Variants in KCNH4 observed in about 807,000 individuals in gnomAD.
KCNH4 encodes the protein voltage-gated delayed rectifier potassium channel KCNH4.
Under a neutral mutation model 90.7 loss-of-function variants are expected in KCNH4, and 33 were observed. That is an observed-to-expected ratio of 0.36 (90% CI 0.28 to 0.49). The LOEUF is 0.49. KCNH4 is among the 20% of genes least tolerant of loss of function. The probability of loss-of-function intolerance (pLI) is 0.98; values close to 1 mark genes in which losing one functional copy is unlikely to be tolerated. For missense variants in KCNH4, 1,044 were observed against 1,387.1 expected (o/e 0.75, Z 3.93); for synonymous variants, 551 against 581.7 (o/e 0.95, Z 0.76).
intron 8 of KCNH4, 143 bp from the exon 9 acceptor site, chr17:42,169,819 A>G (rs184154994): frequency 2.2e-5 from 18 of 822,630 alleles, no homozygotes; most frequent in Middle Eastern, 3.6e-4. Flanking sequence ...AGGGTGGGGA[A>G]TAGGGAGTGG....
chr17:42,163,688 G>T lies in KCNH4; in HGVS notation c.2395C>A (p.Pro799Thr), dbSNP rs377053126. ...GGCTTCCAGGCAGCAGAGCACCTGG[G>T]GGGGCCGTGAGGGGAGGCACTGTGG... ...QGHSASPHGPPRCSAAWKPPQ... is the reference protein window; with the variant it reads ...QGHSASPHGPTRCSAAWKPPQ... The change falls in exon 13 of 17, where the codon CCC becomes ACC. Residue 799 changes from proline (P) to threonine (T), a missense_variant. Pro to Thr is a conservative substitution (Grantham distance 38, BLOSUM62 -1). Around this residue, in one of 4 missense-constraint regions of KCNH4, gnomAD observed 441 missense variants for 512.3 expected, o/e 0.86. Coordinates refer to ENST00000264661, the MANE Select transcript of KCNH4 (RefSeq NM_012285.3). This position sits in a 1 kb window ranked among gnomAD's most constrained non-coding sequence, Gnocchi z 5.4. 10 of 1,512,116 alleles carry T rather than the reference G, an allele frequency of 6.6e-6. No individual in the cohort carries two copies. The African/African-American group carries it at 7.0e-5, about 11-fold the overall frequency. The allele number at this position is 1,512,116 out of a possible 1,614,324, so 93.7% of individuals were successfully genotyped here.
At chr17:42,160,930 T>C (rs1014042500) in intron 15 of KCNH4, among the ~76,000 whole-genome samples, 2 of 136,940 alleles carry the variant, frequency 1.5e-5, no homozygotes, top group African/African-American at 5.5e-5. Context: ...CTTTTTTTTT[T>C]TTTTTTTTTT....
chr17:42,178,515 A>T (rs1381460543), intron 2 of KCNH4, 38 bp from the exon 3 acceptor site: 4 of 1,610,664 alleles, frequency 2.5e-6, no homozygotes, highest in Non-Finnish European at 3.4e-6. Flanking sequence ...GAGCATGGGC[A>T]GCCCCATGGC....
At position 42,176,107 on chromosome 17, in the gene KCNH4, G is replaced by A. The variant is rs1035671157; in HGVS notation, c.776C>T (p.Thr259Ile). 2.0e-5 allele frequency: 33 copies of A among 1,613,622 alleles called. No individual in the cohort carries two copies. Among genetic ancestry groups the A allele is most frequent in the Non-Finnish European group, 2.5e-5 (30 of 1,179,744 alleles). The part of the protein sequence containing the change: ...CFSGDDDTPI[T>I]SRHTLVSDIA... ...GTCGCTGACAAGGGTGTGTCGCGAA[G>A]TGATGGGGGTGTCATCGTCACCCGA... The change falls in exon 5 of 17, where the codon ACT becomes ATT. Residue 259 changes from threonine (T) to isoleucine (I), a missense_variant. This residue lies in a region of KCNH4 where 283 missense variants were observed against 378.6 expected (regional missense o/e 0.75). Transcript: ENST00000264661.
chr17:42,159,460 C>T (rs1198755251), intron 16 of KCNH4, among the ~76,000 whole-genome samples: 13 of 152,172 alleles, frequency 8.5e-5, no homozygotes, highest in Non-Finnish European at 1.8e-4. Flanking sequence ...CCAGCCTGGG[C>T]TCATGGTGGG....
At position 42,163,953 on chromosome 17, in the gene KCNH4, G is replaced by C. The variant is rs762639245; in HGVS notation, c.2130C>G (p.Arg710=). Residue 710 remains arginine (R), a synonymous_variant, in exon 13 of 17, where the codon CGC becomes CGG. Coordinates refer to ENST00000264661, the MANE Select transcript of KCNH4 (RefSeq NM_012285.3). The surrounding 1 kb of genome is among the most constrained non-coding windows in gnomAD (Gnocchi z 5.4). ...FSRSPRLSQP[R]SESLGSSSDK... is the part of the protein sequence containing the mutation. ...CTGAGGAGGAGCCGAGGCTTTCTGA[G>C]CGGGGCTGCGGGCAGAGGGGGCAGC... The C allele has an allele frequency of 1.3e-6, 2 of 1,535,582 alleles. No homozygotes were observed. Among genetic ancestry groups the C allele is most frequent in the Admixed American group, 4.1e-5 (2 of 48,728 alleles).
chr17:42,173,758 T>C (rs1288993867), intron 6 of KCNH4, among the ~76,000 whole-genome samples: 1 of 126,896 alleles, frequency 7.9e-6, no homozygotes, highest in East Asian at 2.6e-4. Context: ...TGGAGTGCAG[T>C]GGCGCAATCT....
intron 16 of KCNH4, among the ~76,000 whole-genome samples, chr17:42,158,611 G>T (rs1365027680): frequency 6.6e-6 from 1 of 151,250 alleles, no homozygotes; most frequent in Non-Finnish European, 1.5e-5. Flanking sequence ...CGAGGCAGGC[G>T]GATCAGGAGG....
intron 4 of KCNH4, 94 bp downstream of exon 4, chr17:42,178,006 C>T (rs2079873918): frequency 1.3e-6 from 2 of 1,518,750 alleles, no homozygotes; most frequent in African/African-American, 1.4e-5. Context: ...AGGAGGGACA[C>T]CAGACAGACA....
At chr17:42,170,599 C>G (rs1275012782) in intron 7 of KCNH4, among the ~76,000 whole-genome samples, 1 of 152,238 alleles carries the variant, frequency 6.6e-6, no homozygotes, top group East Asian at 1.9e-4. Flanking sequence ...TCTCCCTGCC[C>G]TGGTGGAACC....
Position 42,176,041 on chromosome 17 carries a change from C to G in KCNH4, c.829+13G>C. On this transcript the variant is annotated intron_variant, in intron 5 of 16. Transcript: ENST00000264661. ...AGCCGACCCACCAGGGTGGGTGAGG[C>G]AGAAGGTCTGACCTAGGATGAAGAG... 6.3e-7 allele frequency: 1 copy of G among 1,583,264 alleles called. No individual in the cohort carries two copies. Among genetic ancestry groups the G allele is most frequent in the Non-Finnish European group, 8.6e-7 (1 of 1,160,580 alleles).
In KCNH4 at chr17:42,178,374, G is replaced by A. The variant is rs1452918027; in HGVS notation, c.414C>T (p.Ser138=). The A allele has an allele frequency of 3.1e-6, 5 of 1,614,238 alleles. No homozygotes were observed. Among genetic ancestry groups the A allele is most frequent in the Non-Finnish European group, 4.2e-6 (5 of 1,180,042 alleles). ...FSFKDITQSG[S]PGLGPQGGRG... is the part of the protein sequence containing the mutation. Reference sequence around the variant, plus strand: ...GGCCTCCTTGGGGGCCAAGTCCTGGGCTTCCACTCTGAGTGATATCCTTGA... The same window carrying A: ...GGCCTCCTTGGGGGCCAAGTCCTGGACTTCCACTCTGAGTGATATCCTTGA... Residue 138 remains serine, a synonymous_variant, in exon 3 of 17, where the codon AGC becomes AGT. Transcript: ENST00000264661.
At chr17:42,160,920 C>CTT (rs57677761) in intron 15 of KCNH4, among the ~76,000 whole-genome samples, 271 of 73,384 alleles carry the variant, frequency 3.7e-3, no homozygotes, top group Middle Eastern at 0.013. Context: ...TTTTCTTTTT[C>CTT]TTTTTTTTTT....
intron 16 of KCNH4, among the ~76,000 whole-genome samples, chr17:42,159,232 G>A (rs2079728877): frequency 6.6e-6 from 1 of 152,108 alleles, no homozygotes; most frequent in African/African-American, 2.4e-5. Flanking sequence ...TCTGCATGTT[G>A]GTCAGGCTGG....
rs763681683 is a variant in KCNH4, at chr17:42,169,618, C to G, written c.1449G>C (p.Ser483=). 4 of 1,613,994 alleles carry G rather than the reference C, an allele frequency of 2.5e-6. No homozygotes were observed. Among genetic ancestry groups the G allele is most frequent in the Non-Finnish European group, 3.4e-6 (4 of 1,179,992 alleles). Residue 483 remains serine (S), a synonymous_variant, in exon 9 of 17, where the codon TCG becomes TCC. Transcript: ENST00000264661. ...TGCGGCTGTGGTAGAGCGAGCGGCG[C>G]GAGTACATGCGCTGGATGATGGCTG... ...NVTAIIQRMY[S]RRSLYHSRMK...
intron 11 of KCNH4, among the ~76,000 whole-genome samples, chr17:42,164,975 A>T (rs1226624372): frequency 6.6e-6 from 1 of 151,004 alleles, no homozygotes; most frequent in Non-Finnish European, 1.5e-5. Flanking sequence ...GTGTGGTGGT[A>T]CACACCTGTA....
In KCNH4 at chr17:42,181,035, C is replaced by CATGGGGCG; in HGVS notation, c.-91_-90insCGCCCCAT. The CATGGGGCG allele has an allele frequency of 1.7e-6, 2 of 1,144,140 alleles. No individual in the cohort carries two copies. Among genetic ancestry groups the CATGGGGCG allele is most frequent in the Non-Finnish European group, 2.5e-6 (2 of 799,640 alleles). The allele number at this position is 1,144,140 out of a possible 1,614,324, so 70.9% of individuals were successfully genotyped here. A position where few individuals can be genotyped will look rare whatever the true frequency, so the allele number is the denominator to read the frequency against. On this transcript the variant is annotated 5_prime_UTR_variant, in exon 1 of 17. It adds an upstream start codon to the 5' untranslated region. Coordinates refer to ENST00000264661, the MANE Select transcript of KCNH4 (RefSeq NM_012285.3). ...GCGCGCTGTCGGAGGGGCCGGGGCG[C>CATGGGGCG]CCCATGCGCCCTCCTGCCTCCTCCC...
chr17:42,169,531 C>T lies in KCNH4; in HGVS notation c.1536G>A (p.Met512Ile). The change falls in exon 9 of 17, where the codon ATG (methionine) becomes ATA (isoleucine). Residue 512 changes from methionine (M) to isoleucine (I), a missense_variant. Coordinates refer to ENST00000264661, the MANE Select transcript of KCNH4 (RefSeq NM_012285.3). ...CCCACGTGGTCTGGAAGTATTCGAG[C>T]ATGCGCTGCTTGAGCGGCCGCGGCA... ...HRLPRPLKQR[M>I]LEYFQTTWAV... 1 of 1,613,520 alleles carries T rather than the reference C, an allele frequency of 6.2e-7. No individual in the cohort carries two copies. The highest frequency in any genetic ancestry group is 8.5e-7 in the Non-Finnish European group (1 of 1,180,020).
chr17:42,172,574 C>CACAT (rs1246574741), intron 6 of KCNH4, among the ~76,000 whole-genome samples: 1 of 144,096 alleles, frequency 6.9e-6, no homozygotes, highest in Non-Finnish European at 1.5e-5. Flanking sequence ...CACACACACA[C>CACAT]ACACACACTT....
Sources: allele counts gnomAD v4.1 joint callset (sites outside exome capture counted in the v4.1 genomes callset), GRCh38; gene constraint gnomAD v4.1.1; regional missense constraint gnomAD v4.1.1; non-coding constraint Gnocchi (gnomAD v3.1); transcripts MANE v1.5; gene names NCBI Gene and HGNC (gene_info 2026-07-23, HGNC 2026-07-21).